ABI1: variants seen among roughly 807,000 people sequenced by gnomAD.
ABI1 encodes abl interactor 1, also known as Abelson interactor 1.
A neutral mutation model predicts 54.6 loss-of-function variants in ABI1; 14 were observed. The observed-to-expected ratio is 0.26, with a 90% CI of 0.17 to 0.40. The LOEUF is 0.40. Ranked by LOEUF, ABI1 falls within the 10% of genes least tolerant of loss-of-function variation. The pLI is 1.00. For missense variants in ABI1, 443 were observed against 598.3 expected (o/e 0.74, Z 2.71); for synonymous variants, 194 against 209.3 (o/e 0.93, Z 0.63).
At chr10:26,825,112 T>C (rs2133826003) in intron 1 of ABI1, among the ~76,000 whole-genome samples, 1 of 152,304 alleles carries the variant, frequency 6.6e-6, no homozygotes, top group East Asian at 1.9e-4. Flanking sequence ...GCTGGGGCAA[T>C]TTCTTAAAAT....
At chr10:26,858,640 A>T (rs776493837) in intron 1 of ABI1, among the ~76,000 whole-genome samples, 1 of 151,618 alleles carries the variant, frequency 6.6e-6, no homozygotes, top group East Asian at 1.9e-4. Context: ...GAAAAATAAC[A>T]TGACTTAATT....
intron 2 of ABI1, among the ~76,000 whole-genome samples, chr10:26,821,291 A>G (rs766285899): frequency 4.6e-5 from 7 of 151,002 alleles, no homozygotes; most frequent in Non-Finnish European, 8.9e-5. Context: ...ATCCCAAGGT[A>G]AGGAAAAGAA....
chr10:26,789,779 C>T (rs1396665183), intron 2 of ABI1, among the ~76,000 whole-genome samples: 1 of 152,144 alleles, frequency 6.6e-6, no homozygotes, highest in East Asian at 1.9e-4. Context: ...CTCCCTCTTC[C>T]CACCTTTCAC....
At chr10:26,834,550 C>A (rs1420285689) in intron 1 of ABI1, among the ~76,000 whole-genome samples, 9 of 26,490 alleles carry the variant, frequency 3.4e-4, no homozygotes, top group African/African-American at 7.8e-4. Context: ...ACATACAAAA[C>A]ACACACACAC....
chr10:26,859,541 T>TG (rs1211144317), intron 1 of ABI1, among the ~76,000 whole-genome samples: 16 of 152,244 alleles, frequency 1.1e-4, no homozygotes, highest in Admixed American at 1.0e-3. Flanking sequence ...TACAAAGGAC[T>TG]GTGCTACTTT....
At chr10:26,761,619 TATATATA>T (rs1182712675) in intron 7 of ABI1, among the ~76,000 whole-genome samples, 1 of 24,462 alleles carries the variant, frequency 4.1e-5, no homozygotes, top group African/African-American at 1.6e-4. Context: ...GTTTTTGTCA[TATATATA>T]TATATATATA....
rs1474939161 is a variant in ABI1, at chr10:26,747,427, T to C, written c.*1143A>G. The C allele has an allele frequency of 4.6e-6, 1 of 218,162 alleles. No individual in the cohort carries two copies. The highest frequency in any genetic ancestry group is 2.2e-5 in the African/African-American group (1 of 44,514). The allele number at this position is 218,162 out of a possible 1,614,324, so 13.5% of individuals were successfully genotyped here. A position where few individuals can be genotyped will look rare whatever the true frequency, so the allele number is the denominator to read the frequency against. ...ATACATGACCCACCTTCTTTCCCAATTATTTTATTTTAAAATTCTAATGTT... is the reference window on the plus strand; with the variant it reads ...ATACATGACCCACCTTCTTTCCCAACTATTTTATTTTAAAATTCTAATGTT... On this transcript the variant is annotated 3_prime_UTR_variant, in exon 11 of 11. Coordinates refer to ENST00000376140, the MANE Select transcript of ABI1 (RefSeq NM_001012750.3).
intron 1 of ABI1, among the ~76,000 whole-genome samples, chr10:26,840,761 T>C (rs2049439022): frequency 6.6e-6 from 1 of 152,102 alleles, no homozygotes; most frequent in Non-Finnish European, 1.5e-5. Flanking sequence ...AGACAAAAAA[T>C]AATAATTTAT....
chr10:26,797,463 T>C (rs1311727686), intron 2 of ABI1, among the ~76,000 whole-genome samples: 1 of 152,164 alleles, frequency 6.6e-6, no homozygotes, highest in Non-Finnish European at 1.5e-5. Flanking sequence ...ATGTGACTGG[T>C]TTTTAATCAC....
At chr10:26,791,652 C>T (rs1843483592) in intron 2 of ABI1, among the ~76,000 whole-genome samples, 1 of 151,984 alleles carries the variant, frequency 6.6e-6, no homozygotes, top group African/African-American at 2.4e-5. Context: ...AGGGTTCTTA[C>T]AGGGTTAAAT....
At chr10:26,790,016 C>A (rs578174317) in intron 2 of ABI1, among the ~76,000 whole-genome samples, 5 of 152,282 alleles carry the variant, frequency 3.3e-5, no homozygotes, top group Non-Finnish European at 5.9e-5. Flanking sequence ...CACACATTTT[C>A]TTTATCCAGT....
At chr10:26,839,878 A>T in intron 1 of ABI1, 2 of 653,352 alleles carry the variant, frequency 3.1e-6, no homozygotes, top group Non-Finnish European at 5.5e-6. Flanking sequence ...TAGTCCCAAC[A>T]ACTTGGAAGG....
chr10:26,773,095 T>C (rs1324876711), intron 3 of ABI1, among the ~76,000 whole-genome samples: 1 of 152,056 alleles, frequency 6.6e-6, no homozygotes, highest in Non-Finnish European at 1.5e-5. Context: ...CATTTACCTT[T>C]ATGGATGAGT....
chr10:26,763,746 G>T, intron 7 of ABI1: 1 of 729,592 alleles, frequency 1.4e-6, no homozygotes, highest in Non-Finnish European at 2.3e-6. Flanking sequence ...AGTGATATTA[G>T]ATTTAATACT....
At chr10:26,820,837 C>A (rs148769852) in intron 2 of ABI1, among the ~76,000 whole-genome samples, 180 of 152,010 alleles carry the variant, frequency 1.2e-3, no homozygotes, top group African/African-American at 4.1e-3. Context: ...CCACCCACCT[C>A]GGCCTCCCAA....
chr10:26,803,840 T>C (rs1290488120), intron 2 of ABI1, among the ~76,000 whole-genome samples: 2 of 152,084 alleles, frequency 1.3e-5, no homozygotes, highest in African/African-American at 2.4e-5. Context: ...TACAGTGATA[T>C]ACAAAACAGA....
At chr10:26,798,330 A>T (rs1386892602) in intron 2 of ABI1, among the ~76,000 whole-genome samples, 1 of 152,110 alleles carries the variant, frequency 6.6e-6, no homozygotes, top group Non-Finnish European at 1.5e-5. Context: ...ATCAAATGAA[A>T]TCACGAGGGT....
chr10:26,803,579 G>C (rs10829068), intron 2 of ABI1, among the ~76,000 whole-genome samples: 22,116 of 152,052 alleles, frequency 0.15, 2,075 homozygotes, highest in African/African-American at 0.27. Flanking sequence ...GACTTTTTCA[G>C]GAAACAGGCA....
At chr10:26,840,716 T>C (rs995667522) in intron 1 of ABI1, among the ~76,000 whole-genome samples, 3 of 152,156 alleles carry the variant, frequency 2.0e-5, no homozygotes, top group Non-Finnish European at 4.4e-5. Context: ...ATCTGAGATG[T>C]GAACAAAGGG....
Sources: gnomAD v4.1 joint callset for allele counts (sites outside exome capture counted in the v4.1 genomes callset) on GRCh38, gnomAD v4.1.1 for gene constraint, MANE v1.5 for transcripts, NCBI Gene and HGNC (gene_info 2026-07-23, HGNC 2026-07-21) for gene names.